The following ST6GALNAC3 variants were observed in gnomAD, a reference collection of about 807,000 sequenced individuals.
ST6GALNAC3 encodes the protein alpha-N-acetylgalactosaminide alpha-2,6-sialyltransferase 3.
A neutral mutation model predicts 32.7 loss-of-function variants in ST6GALNAC3; 25 were observed. That is an observed-to-expected ratio of 0.76 (90% CI 0.56 to 1.07). The LOEUF is 1.07. Ranked by LOEUF, ST6GALNAC3 falls within the 50% of genes least tolerant of loss-of-function variation. The probability of loss-of-function intolerance (pLI) is 0.00; values close to 1 mark genes in which losing one functional copy is unlikely to be tolerated. For missense variants in ST6GALNAC3, 355 were observed against 382.4 expected (o/e 0.93, Z 0.60); for synonymous variants, 129 against 133.1 (o/e 0.97, Z 0.21).
At chr1:76,207,367 A>G (rs1570435066) in intron 1 of ST6GALNAC3, among the ~76,000 whole-genome samples, 1 of 152,150 alleles carries the variant, frequency 6.6e-6, no homozygotes, top group Non-Finnish European at 1.5e-5. Flanking sequence ...GCTCCTGCCT[A>G]TATAGGCTTT....
Position 76,146,519 on chromosome 1 carries a change from C to G in ST6GALNAC3, c.18+71635C>G, listed in dbSNP as rs143447355. Reference sequence around the variant, plus strand: ...GCTCCTCCCCTCCTCCTTCTTTTCTCCCTCACACTCCTGTCCACACTTCCA... The same window carrying G: ...GCTCCTCCCCTCCTCCTTCTTTTCTGCCTCACACTCCTGTCCACACTTCCA... On this transcript the variant is annotated intron_variant, in intron 1 of 4. Transcript: ENST00000328299. 5.2e-3 allele frequency among the ~76,000 whole-genome samples: 799 copies of G among 152,218 alleles called. 11 individuals are homozygous for G. Among genetic ancestry groups the G allele is most frequent in the African/African-American group, 0.018 (768 of 41,524 alleles).
intron 3 of ST6GALNAC3, among the ~76,000 whole-genome samples, chr1:76,418,378 G>T (rs1007888161): frequency 6.6e-6 from 1 of 151,218 alleles, no homozygotes; most frequent in African/African-American, 2.4e-5. Context: ...AGTGTAGCTT[G>T]AAGGTGGAGG....
At chr1:76,352,044 G>A (rs559761757) in intron 2 of ST6GALNAC3, among the ~76,000 whole-genome samples, 1 of 152,168 alleles carries the variant, frequency 6.6e-6, no homozygotes, top group African/African-American at 2.4e-5. Flanking sequence ...ATTTCATGTG[G>A]GAGGGGGTAT....
chr1:76,110,166 G>A (rs953454950), intron 1 of ST6GALNAC3, among the ~76,000 whole-genome samples: 1 of 152,070 alleles, frequency 6.6e-6, no homozygotes, highest in Non-Finnish European at 1.5e-5. Flanking sequence ...CCACATATGC[G>A]GAGAACTCTC....
chr1:76,085,077 G>A (rs908244438), intron 1 of ST6GALNAC3, among the ~76,000 whole-genome samples: 5 of 151,990 alleles, frequency 3.3e-5, no homozygotes, highest in African/African-American at 1.2e-4. Context: ...AGTAAGAATG[G>A]CTTTTGTGTT....
chr1:76,246,591 GA>G (rs148665101), intron 1 of ST6GALNAC3, among the ~76,000 whole-genome samples: 10,440 of 152,082 alleles, frequency 0.069, 904 homozygotes, highest in African/African-American at 0.21. Context: ...AGGAGCTCTT[GA>G]TTTGGCTGTT....
chr1:76,124,719 T>A (rs1427578147), intron 1 of ST6GALNAC3, among the ~76,000 whole-genome samples: 4 of 152,210 alleles, frequency 2.6e-5, no homozygotes, highest in Admixed American at 2.0e-4. Context: ...TACCTAGGCC[T>A]TTCAGAGACC....
chr1:76,317,295 C>G (rs1414621159), intron 2 of ST6GALNAC3, among the ~76,000 whole-genome samples: 2 of 152,142 alleles, frequency 1.3e-5, no homozygotes, highest in African/African-American at 4.8e-5. Flanking sequence ...GTAATGTCCT[C>G]AGGCGCAATC....
At chr1:76,563,576 A>G (rs1197765773) in intron 3 of ST6GALNAC3, among the ~76,000 whole-genome samples, 1 of 152,222 alleles carries the variant, frequency 6.6e-6, no homozygotes, top group Non-Finnish European at 1.5e-5. Context: ...TTATGCTCCC[A>G]AACAGTAGAA....
rs74726476 is a variant in ST6GALNAC3, at chr1:76,354,007, C to G, written c.213+40008C>G. 7.7e-3 allele frequency: 1,325 copies of G among 172,224 alleles called. 24 individuals carry two copies. The highest frequency in any genetic ancestry group is 0.029 in the African/African-American group (1,245 of 42,398). The allele number at this position is 172,224 out of a possible 1,614,324, so 10.7% of individuals were successfully genotyped here. The stretch of plus-strand genomic sequence containing the variant: ...CAGGTCCACCTTGTTCCCAGGCTCC[C>G]TTTCAAACACCACTAATGCCAGGAT... On this transcript the variant is annotated intron_variant, in intron 2 of 4. Transcript: ENST00000328299.
chr1:76,222,408 A>G (rs898645559), intron 1 of ST6GALNAC3, among the ~76,000 whole-genome samples: 11 of 152,238 alleles, frequency 7.2e-5, no homozygotes, highest in African/African-American at 2.7e-4. Flanking sequence ...ATGGGACCTA[A>G]TTAAACTGAA....
At chr1:76,477,693 T>C (rs1428203688) in intron 3 of ST6GALNAC3, among the ~76,000 whole-genome samples, 2 of 152,192 alleles carry the variant, frequency 1.3e-5, no homozygotes, top group Admixed American at 6.5e-5. Flanking sequence ...CTCTTCACTC[T>C]GTGTATTCTC....
In ST6GALNAC3 at chr1:76,559,558, G is replaced by A. The variant is rs180759579; in HGVS notation, c.624-67894G>A. On this transcript the variant is annotated intron_variant, in intron 3 of 4. Coordinates refer to ENST00000328299, the MANE Select transcript of ST6GALNAC3 (RefSeq NM_152996.4). ...AAATTAAAAACCTTTGTCCTTCAAAGGGTACCATCAAGAAAATGAAAAATC... is the reference window on the plus strand; with the variant it reads ...AAATTAAAAACCTTTGTCCTTCAAAAGGTACCATCAAGAAAATGAAAAATC... 1.4e-4 allele frequency among the ~76,000 whole-genome samples: 22 copies of A among 152,252 alleles called. No homozygotes were observed. The East Asian group carries it at 4.2e-3, about 29-fold the overall frequency.
intron 3 of ST6GALNAC3, among the ~76,000 whole-genome samples, chr1:76,598,738 T>TAA (rs34725000): frequency 1.4e-3 from 202 of 145,278 alleles, no homozygotes; most frequent in African/African-American, 4.8e-3. Flanking sequence ...CTTCACAAAT[T>TAA]AAAAAAAAAA....
intron 1 of ST6GALNAC3, among the ~76,000 whole-genome samples, chr1:76,123,553 G>T (rs1172360792): frequency 6.7e-6 from 1 of 150,336 alleles, no homozygotes; most frequent in Non-Finnish European, 1.5e-5. Flanking sequence ...TGGCCAGTAA[G>T]GGGGTAGGTA....
At chr1:76,520,335 G>A (rs1662442014) in intron 3 of ST6GALNAC3, among the ~76,000 whole-genome samples, 1 of 152,130 alleles carries the variant, frequency 6.6e-6, no homozygotes, top group Non-Finnish European at 1.5e-5. Flanking sequence ...TGGCACAGGA[G>A]ACCATAAGTT....
intron 1 of ST6GALNAC3, among the ~76,000 whole-genome samples, chr1:76,185,309 G>C (rs886313689): frequency 6.6e-6 from 1 of 152,132 alleles, no homozygotes; most frequent in African/African-American, 2.4e-5. Context: ...ACCAAGACTT[G>C]GTCCCTGCTT....
Position 76,628,823 on chromosome 1 carries a change from C to A in ST6GALNAC3, c.*17C>A, listed in dbSNP as rs1271139719. On this transcript the variant is annotated 3_prime_UTR_variant, in exon 5 of 5. Coordinates refer to ENST00000328299, the MANE Select transcript of ST6GALNAC3 (RefSeq NM_152996.4). ...TTGTCTTGATAATGGTTTTCCTGAT[C>A]TTGCCGCATCACTTAATGTGATCCC... The A allele has an allele frequency of 6.2e-7, 1 of 1,608,464 alleles. No homozygotes were observed. Among genetic ancestry groups the A allele is most frequent in the South Asian group, 1.1e-5 (1 of 90,396 alleles).
At chr1:76,080,149 G>A (rs1646872782) in intron 1 of ST6GALNAC3, among the ~76,000 whole-genome samples, 1 of 152,222 alleles carries the variant, frequency 6.6e-6, no homozygotes, top group Admixed American at 6.5e-5. Flanking sequence ...TGGTATGGGA[G>A]TATATGGGTG....
Sources: allele counts gnomAD v4.1 joint callset (sites outside exome capture counted in the v4.1 genomes callset), GRCh38; gene constraint gnomAD v4.1.1; transcripts MANE v1.5; gene names NCBI Gene and HGNC (gene_info 2026-07-23, HGNC 2026-07-21).